Variants in ANKRD11 observed in about 807,000 individuals in gnomAD.
ANKRD11 encodes ankyrin repeat domain-containing protein 11.
ANKRD11 carries 17 observed loss-of-function variants against 195.7 expected under a neutral mutation model. The ratio of observed to expected loss-of-function variants is 0.09; its 90% CI spans 0.06 to 0.13. The LOEUF is 0.13. Ranked by LOEUF, ANKRD11 falls within the 10% of genes least tolerant of loss-of-function variation. The pLI, the probability that ANKRD11 is intolerant of heterozygous loss-of-function variation, is 1.00. For missense variants in ANKRD11, 3,735 were observed against 3,566.1 expected, an observed-to-expected ratio of 1.05 and a Z score of -1.21; for synonymous variants, 1,953 against 1,528.1, an observed-to-expected ratio of 1.28 and a Z score of -6.49.
Position 89,281,145 on chromosome 16 carries a change from G to T in ANKRD11, c.5397C>A (p.Pro1799=). Residue 1799 remains proline (P), a synonymous_variant, in exon 9 of 13, where the codon CCC becomes CCA. Coordinates refer to ENST00000301030, the MANE Select transcript of ANKRD11 (RefSeq NM_013275.6). The surrounding 1 kb of genome is among the most constrained non-coding windows in gnomAD (Gnocchi z 5.5). The part of the protein sequence containing the change: ...RSVSVDIRRT[P]EEEFSVGDKL... ...TGTCTCCGACGCTGAATTCTTCCTCGGGGGTCCTCCTAATGTCGACAGAGA... is the reference window on the plus strand; with the variant it reads ...TGTCTCCGACGCTGAATTCTTCCTCTGGGGTCCTCCTAATGTCGACAGAGA... 1 of 1,613,758 alleles carries T rather than the reference G, an allele frequency of 6.2e-7. No homozygotes were observed. Among genetic ancestry groups the T allele is most frequent in the Non-Finnish European group, 8.5e-7 (1 of 1,179,674 alleles).
Position 89,280,760 on chromosome 16 carries a change from G to A in ANKRD11, c.5782C>T (p.Pro1928Ser). 1.2e-6 allele frequency: 2 copies of A among 1,612,904 alleles called. No homozygotes were observed. The highest frequency in any genetic ancestry group is 1.7e-6 in the Non-Finnish European group (2 of 1,179,406). The change falls in exon 9 of 13, where the codon CCC becomes TCC. Residue 1928 changes from proline to serine, a missense_variant. Physicochemically the swap from Pro to Ser is moderately conservative, Grantham distance 74. Transcript: ENST00000301030. ...QATAAIIPPE[P>S]SYLEPLDEGP... ...TCGTCCAGCGGCTCCAGGTAGCTGG[G>A]CTCCGGGGGGATGATGGCGGCCGTC...
intron 2 of ANKRD11, among the ~76,000 whole-genome samples, chr16:89,358,783 C>T (rs2039601122): frequency 6.6e-6 from 1 of 152,058 alleles, no homozygotes; most frequent in African/African-American, 2.4e-5. Context: ...CCCTGTGCCG[C>T]TAAAACCCAC....
At position 89,301,069 on chromosome 16, in the gene ANKRD11, AAC is replaced by A; in HGVS notation, c.226+4135_226+4136del. On this transcript the variant is annotated intron_variant, in intron 4 of 12. Transcript: ENST00000301030. ...GGGAGGCCAGGCAATGATGCACAGC[AAC>A]CTCAAAAACATTCGCTGGTTGACTG... 3 of 547,740 alleles carry A rather than the reference AAC, an allele frequency of 5.5e-6. 1 individual carries two copies. The South Asian group carries it at 7.1e-5, about 13-fold the overall frequency. 33.9% of individuals were successfully genotyped at this position (547,740 alleles called of 1,614,324 possible). A position where few individuals can be genotyped will look rare whatever the true frequency, so the allele number is the denominator to read the frequency against.
At chr16:89,419,874 C>T (rs1159890075) in intron 1 of ANKRD11, among the ~76,000 whole-genome samples, 1 of 152,068 alleles carries the variant, frequency 6.6e-6, no homozygotes, top group African/African-American at 2.4e-5. Context: ...ACCTCAAGGA[C>T]CATTAAAAAT....
chr16:89,475,736 G>A (rs2057235858), intron 1 of ANKRD11, among the ~76,000 whole-genome samples: 1 of 152,152 alleles, frequency 6.6e-6, no homozygotes, highest in Non-Finnish European at 1.5e-5. Flanking sequence ...CAAGTTTAAA[G>A]AGGGATAAGG....
At chr16:89,359,455 C>A (rs3114876) in intron 2 of ANKRD11, among the ~76,000 whole-genome samples, 5 of 152,228 alleles carry the variant, frequency 3.3e-5, no homozygotes, top group African/African-American at 4.8e-5. Context: ...GCGCACACGT[C>A]TGCTGCAGCC....
intron 2 of ANKRD11, among the ~76,000 whole-genome samples, chr16:89,388,550 A>G (rs2041030669): frequency 6.6e-6 from 1 of 152,150 alleles, no homozygotes; most frequent in African/African-American, 2.4e-5. Context: ...CGAGATGACA[A>G]AAAAGCCTGA....
intron 1 of ANKRD11, among the ~76,000 whole-genome samples, chr16:89,439,147 T>C (rs960287197): frequency 1.3e-5 from 2 of 151,992 alleles, no homozygotes; most frequent in African/African-American, 4.8e-5. Context: ...CAAATCCACA[T>C]GCATGCACAG....
At chr16:89,431,712 G>T (rs913760550) in intron 1 of ANKRD11, among the ~76,000 whole-genome samples, 1 of 151,988 alleles carries the variant, frequency 6.6e-6, no homozygotes, top group African/African-American at 2.4e-5. Context: ...CTTTAACGAC[G>T]TGCTGCTGAA....
At chr16:89,290,238 G>A (rs1208425103) in intron 6 of ANKRD11, among the ~76,000 whole-genome samples, 2 of 22,594 alleles carry the variant, frequency 8.9e-5, no homozygotes, top group Non-Finnish European at 1.6e-4. Context: ...GAGGCTCAGG[G>A]CTCCAGCGGG....
intron 1 of ANKRD11, among the ~76,000 whole-genome samples, chr16:89,425,461 T>C (rs2042679015): frequency 6.6e-6 from 1 of 152,240 alleles, no homozygotes; most frequent in African/African-American, 2.4e-5. Context: ...CATCTCATTT[T>C]AGTTCTCAAT....
intron 2 of ANKRD11, among the ~76,000 whole-genome samples, chr16:89,327,305 G>A (rs1173072339): frequency 6.6e-6 from 1 of 152,190 alleles, no homozygotes; most frequent in Non-Finnish European, 1.5e-5. Flanking sequence ...GGAGTGTGGA[G>A]AAACATCCTC....
chr16:89,437,112 G>C (rs1282481720), intron 1 of ANKRD11, among the ~76,000 whole-genome samples: 1 of 152,142 alleles, frequency 6.6e-6, no homozygotes, highest in Admixed American at 6.5e-5. Flanking sequence ...GCCTGTGTGT[G>C]ACCATTTTCA....
chr16:89,441,780 A>AAAAAAAAC (rs1567811081), intron 1 of ANKRD11, among the ~76,000 whole-genome samples: 1 of 148,744 alleles, frequency 6.7e-6, no homozygotes, highest in Non-Finnish European at 1.5e-5. Flanking sequence ...AAAAAAAAAA[A>AAAAAAAAC]AAAAAAAAAA....
intron 2 of ANKRD11, among the ~76,000 whole-genome samples, chr16:89,346,549 C>T (rs2038952367): frequency 6.6e-6 from 1 of 152,184 alleles, no homozygotes; most frequent in African/African-American, 2.4e-5. Context: ...GTGAGAGTCA[C>T]CTTCTGAAGT....
chr16:89,358,255 C>T (rs1344998851), intron 2 of ANKRD11, among the ~76,000 whole-genome samples: 2 of 152,202 alleles, frequency 1.3e-5, no homozygotes, highest in African/African-American at 2.4e-5. Context: ...GGAGCTGTGC[C>T]GGCTTGCAGA....
In ANKRD11 at chr16:89,285,444, T is replaced by A. The variant is rs765896910; in HGVS notation, c.1098A>T (p.Leu366=). Reference sequence around the variant, plus strand: ...TTTCTTTTCTGTAGTCCTTTTTCAATAGGTGCTTGTCGTCCACCGGAGGAA... The same window carrying A: ...TTTCTTTTCTGTAGTCCTTTTTCAAAAGGTGCTTGTCGTCCACCGGAGGAA... ...DRVPPVDDKH[L]LKKDYRKETK... The change falls in exon 9 of 13, where the codon CTA becomes CTT. Residue 366 remains leucine, a synonymous_variant. Transcript: ENST00000301030. The surrounding 1 kb of genome is among the most constrained non-coding windows in gnomAD (Gnocchi z 5.6). 4 of 1,614,220 alleles carry A rather than the reference T, an allele frequency of 2.5e-6. No individual in the cohort carries two copies. The East Asian group carries it at 6.7e-5, about 27-fold the overall frequency.
intron 2 of ANKRD11, chr16:89,324,871 C>T (rs905029830): frequency 1.1e-5 from 3 of 263,418 alleles, no homozygotes; most frequent in Non-Finnish European, 2.2e-5. Context: ...GACTTCACCT[C>T]ATGACTGTGT....
rs762396809 is a variant in ANKRD11, at chr16:89,280,274, C to A, written c.6268G>T (p.Ala2090Ser). 8 of 1,608,846 alleles carry A rather than the reference C, an allele frequency of 5.0e-6. No individual in the cohort carries two copies. The highest frequency in any genetic ancestry group is 6.8e-6 in the Non-Finnish European group (8 of 1,178,958). The change falls in exon 9 of 13, where the codon GCT (alanine) becomes TCT (serine). Residue 2090 changes from alanine (A) to serine (S), a missense_variant. Ala to Ser is a moderately conservative substitution (Grantham distance 99, BLOSUM62 1). Transcript: ENST00000301030. ...AGGGGCCCCAGAGCCTCCACCTGAG[C>A]CACAGCGGCTACACAGGCGGGCTCG... ...APEPACVAAV[A>S]QVEALGPLEN...
Sources: allele counts gnomAD v4.1 joint callset (sites outside exome capture counted in the v4.1 genomes callset), GRCh38; gene constraint gnomAD v4.1.1; non-coding constraint Gnocchi (gnomAD v3.1); transcripts MANE v1.5; gene names NCBI Gene and HGNC (gene_info 2026-07-23, HGNC 2026-07-21).